Variants in LOC400499 observed in about 807,000 individuals in gnomAD.
At chr16:11,384,008 C>T in the LOC400499 span, 1 of 1,231,802 alleles carries the variant, frequency 8.1e-7, no homozygotes, top group Non-Finnish European at 1.0e-6. Context: ...TCACCACCCA[C>T]CTGGCAGGAT....
the LOC400499 span, among the ~76,000 whole-genome samples, chr16:11,434,241 T>C: frequency 1.3e-5 from 2 of 152,136 alleles, no homozygotes; most frequent in South Asian, 2.1e-4. Context: ...TAAGTAATAA[T>C]GTATAAAGGG....
At chr16:11,483,409 T>C in the LOC400499 span, among the ~76,000 whole-genome samples, 1 of 152,118 alleles carries the variant, frequency 6.6e-6, no homozygotes. Flanking sequence ...CGAATGTCAA[T>C]CAACAGGTGA....
chr16:11,496,063 T>G, the LOC400499 span, among the ~76,000 whole-genome samples: 1 of 120,752 alleles, frequency 8.3e-6, no homozygotes, highest in Non-Finnish European at 1.8e-5. Context: ...TGCCTAGCTC[T>G]GTCCTTTTTT....
At chr16:11,446,551 G>A in the LOC400499 span, 30 of 1,535,924 alleles carry the variant, frequency 2.0e-5, no homozygotes, top group South Asian at 1.8e-4. Context: ...TGCTCTTACC[G>A]TGTGCTGATT....
the LOC400499 span, chr16:11,460,469 G>A: frequency 1.3e-6 from 2 of 1,518,260 alleles, no homozygotes; most frequent in African/African-American, 1.4e-5. Flanking sequence ...CCTGGCCTGG[G>A]AACCCACCTT....
chr16:11,450,871 TC>T, the LOC400499 span: 4 of 1,486,882 alleles, frequency 2.7e-6, no homozygotes, highest in Non-Finnish European at 3.6e-6. Flanking sequence ...AGAGGAAGCT[TC>T]TAGCAGGCAG....
the LOC400499 span, among the ~76,000 whole-genome samples, chr16:11,405,477 C>T: frequency 1.3e-5 from 2 of 152,096 alleles, no homozygotes; most frequent in African/African-American, 2.4e-5. Flanking sequence ...GAGAAAGGAA[C>T]GCAGAGAAGC....
At chr16:11,430,111 T>C in the LOC400499 span, among the ~76,000 whole-genome samples, 4 of 152,154 alleles carry the variant, frequency 2.6e-5, no homozygotes, top group African/African-American at 4.8e-5. Context: ...CCAACAGGCT[T>C]TCTTGAAAGC....
the LOC400499 span, among the ~76,000 whole-genome samples, chr16:11,434,947 G>C: frequency 2.3e-4 from 35 of 152,256 alleles, no homozygotes; most frequent in African/African-American, 8.2e-4. Context: ...GATCACTAGT[G>C]ATTTTTATTT....
At chr16:11,436,679 C>T in the LOC400499 span, among the ~76,000 whole-genome samples, 3 of 152,068 alleles carry the variant, frequency 2.0e-5, no homozygotes, top group African/African-American at 7.2e-5. Flanking sequence ...CCTCTGTCTC[C>T]CAGGTTCAAG....
chr16:11,507,263 C>T, the LOC400499 span, among the ~76,000 whole-genome samples: 1 of 152,208 alleles, frequency 6.6e-6, no homozygotes, highest in African/African-American at 2.4e-5. Context: ...CTCCCCAGGG[C>T]CATCTGGTTG....
the LOC400499 span, among the ~76,000 whole-genome samples, chr16:11,519,131 G>A: frequency 6.6e-6 from 1 of 152,178 alleles, no homozygotes; most frequent in East Asian, 1.9e-4. Context: ...CCAAGCCTGG[G>A]TGGTGAAGGC....
chr16:11,445,554 G>C, the LOC400499 span, among the ~76,000 whole-genome samples: 3 of 152,204 alleles, frequency 2.0e-5, no homozygotes, highest in Admixed American at 6.5e-5. Context: ...AGGAGGCAAA[G>C]CTGAAGGAGA....
At chr16:11,423,711 G>C in the LOC400499 span, among the ~76,000 whole-genome samples, 1 of 152,224 alleles carries the variant, frequency 6.6e-6, no homozygotes, top group East Asian at 1.9e-4. Context: ...TCATTTCTGA[G>C]AACAATAAAG....
chr16:11,432,482 C>A, the LOC400499 span, among the ~76,000 whole-genome samples: 8 of 152,088 alleles, frequency 5.3e-5, no homozygotes, highest in African/African-American at 9.7e-5. Context: ...GAGTAATATG[C>A]CCAAAGCTCA....
At chr16:11,380,431 T>C in the LOC400499 span, among the ~76,000 whole-genome samples, 100 of 152,204 alleles carry the variant, frequency 6.6e-4, no homozygotes, top group African/African-American at 2.3e-3. Flanking sequence ...AATACAAAAA[T>C]TCGCCGGGGG....
At chr16:11,491,722 C>A in the LOC400499 span, 7 of 385,928 alleles carry the variant, frequency 1.8e-5, no homozygotes, top group Non-Finnish European at 3.2e-5. Context: ...AGCTCGCCTG[C>A]CTGGGTGCGC....
chr16:11,456,809 G>C, the LOC400499 span: 1 of 1,530,182 alleles, frequency 6.5e-7, no homozygotes, highest in Non-Finnish European at 8.8e-7. Context: ...AAGGCCTGGA[G>C]ATCAGAAACC....
the LOC400499 span, chr16:11,411,207 T>A: frequency 2.5e-6 from 1 of 399,172 alleles, no homozygotes; most frequent in African/African-American, 2.1e-5. Flanking sequence ...GCTGGGCATC[T>A]GGAACCAGTT....
Sources: gnomAD v4.1 joint callset for allele counts (sites outside exome capture counted in the v4.1 genomes callset) on GRCh38, gnomAD v4.1.1 for gene constraint, MANE v1.5 for transcripts.